Variants in HUNK observed in about 807,000 individuals in gnomAD.
HUNK encodes hormonally up-regulated neu tumor-associated kinase.
HUNK carries 21 observed loss-of-function variants against 61.0 expected under a neutral mutation model. The ratio of observed to expected loss-of-function variants is 0.34; its 90% CI spans 0.24 to 0.50. The LOEUF is 0.50. Ranked by LOEUF, HUNK falls within the 20% of genes least tolerant of loss-of-function variation. HUNK has a pLI of 0.98. For missense variants in HUNK, 772 were observed against 945.7 expected (o/e 0.82, Z 2.41); for synonymous variants, 371 against 386.1 (o/e 0.96, Z 0.46).
At chr21:31,896,006 T>C (rs1187233981) in intron 1 of HUNK, among the ~76,000 whole-genome samples, 6 of 152,124 alleles carry the variant, frequency 3.9e-5, no homozygotes, top group African/African-American at 1.4e-4. Flanking sequence ...ATGTAGCTGG[T>C]ATGCCTAGAA....
chr21:31,950,017 C>T (rs1363217152), intron 4 of HUNK, among the ~76,000 whole-genome samples: 1 of 152,200 alleles, frequency 6.6e-6, no homozygotes, highest in African/African-American at 2.4e-5. Context: ...ACACAGCCAG[C>T]GTGTGACAGA....
chr21:31,928,963 T>C (rs1486736082), intron 2 of HUNK, among the ~76,000 whole-genome samples: 1 of 152,146 alleles, frequency 6.6e-6, no homozygotes, highest in African/African-American at 2.4e-5. Flanking sequence ...TCTAAGTAAA[T>C]ACATTGGATG....
In HUNK at chr21:31,873,454, GT is replaced by G. The variant is rs2052229845; in HGVS notation, c.-220del. ...AAGAGGAAGAACTTTTGGGGGCGGG[GT>G]CCCCGGTCCCGCGTCCCCTGGGCAG... On this transcript the variant is annotated 5_prime_UTR_variant, in exon 1 of 11. Transcript: ENST00000270112. The surrounding 1 kb of genome is among the most constrained non-coding windows in gnomAD (Gnocchi z 6.1). The G allele has an allele frequency of 5.7e-6, 1 of 176,612 alleles. No homozygotes were observed. Among genetic ancestry groups the G allele is most frequent in the Non-Finnish European group, 1.1e-5 (1 of 90,696 alleles). The allele number at this position is 176,612 out of a possible 1,614,324, so 10.9% of individuals were successfully genotyped here.
rs1332166612 is a variant in HUNK at position 31,883,789 on chromosome 21, G to C, written c.261+9854G>C. Among the ~76,000 whole-genome samples, 6 of 152,298 alleles carry C rather than the reference G, an allele frequency of 3.9e-5. No individual in the cohort carries two copies. The South Asian group carries it at 1.2e-3, about 32-fold the overall frequency. On this transcript the variant is annotated intron_variant, in intron 1 of 10. Coordinates refer to ENST00000270112, the MANE Select transcript of HUNK (RefSeq NM_014586.2). ...CTAAAATATTAAGAGCCACTGCTTT[G>C]TTGCCCACCCTTGTTGGCTCTGCTG... is the stretch of plus-strand genomic sequence containing the variant.
chr21:31,880,845 C>T (rs2052301451), intron 1 of HUNK, among the ~76,000 whole-genome samples: 1 of 152,166 alleles, frequency 6.6e-6, no homozygotes, highest in Admixed American at 6.5e-5. Flanking sequence ...GAACTGACCT[C>T]TGCAAGGGAA....
intron 1 of HUNK, among the ~76,000 whole-genome samples, chr21:31,894,285 G>A (rs1222373553): frequency 6.6e-6 from 1 of 152,202 alleles, no homozygotes; most frequent in Non-Finnish European, 1.5e-5. Context: ...GAAAATAGCT[G>A]ATGACTTCTC....
In HUNK at chr21:31,873,963, G is replaced by A; in HGVS notation, c.261+28G>A. 6.9e-7 allele frequency: 1 copy of A among 1,452,082 alleles called. No individual in the cohort carries two copies. Among genetic ancestry groups the A allele is most frequent in the Non-Finnish European group, 9.1e-7 (1 of 1,099,582 alleles). The allele number at this position is 1,452,082 out of a possible 1,614,324, so 89.9% of individuals were successfully genotyped here. A position where few individuals can be genotyped will look rare whatever the true frequency, so the allele number is the denominator to read the frequency against. On this transcript the variant is annotated intron_variant, in intron 1 of 10. Transcript: ENST00000270112. This position sits in a 1 kb window ranked among gnomAD's most constrained non-coding sequence, Gnocchi z 6.1. ...GAGTCTCCCGGGCGCCGTGGGGCTGGGGCACAGGGGCGGGAGTCGGCGGCC... is the reference window on the plus strand; with the variant it reads ...GAGTCTCCCGGGCGCCGTGGGGCTGAGGCACAGGGGCGGGAGTCGGCGGCC...
At chr21:31,954,665 G>A (rs1307179122) in intron 4 of HUNK, among the ~76,000 whole-genome samples, 2 of 152,236 alleles carry the variant, frequency 1.3e-5, no homozygotes, top group Non-Finnish European at 2.9e-5. Context: ...TTCTTCCAGG[G>A]CTTTCCAATT....
At chr21:31,936,768 T>C (rs569169524) in intron 2 of HUNK, among the ~76,000 whole-genome samples, 4 of 152,336 alleles carry the variant, frequency 2.6e-5, no homozygotes, top group Admixed American at 6.5e-5. Flanking sequence ...TTTTGGTCTT[T>C]CGTTTATATC....
Position 31,999,346 on chromosome 21 carries a change from AG to A in HUNK, c.*165del. ...AAGCCTGCACAACCCAACCTCGCTT[AG>A]GGACCCCCAGAGATGCTGGAATCGC... On this transcript the variant is annotated 3_prime_UTR_variant, in exon 11 of 11. Transcript: ENST00000270112. 1 of 610,532 alleles carries A rather than the reference AG, an allele frequency of 1.6e-6. No individual in the cohort carries two copies. Among genetic ancestry groups the A allele is most frequent in the Non-Finnish European group, 2.8e-6 (1 of 358,650 alleles). 37.8% of individuals were successfully genotyped at this position (610,532 alleles called of 1,614,324 possible).
chr21:31,875,616 C>T (rs868329810), intron 1 of HUNK, among the ~76,000 whole-genome samples: 2 of 152,194 alleles, frequency 1.3e-5, no homozygotes, highest in African/African-American at 4.8e-5. Flanking sequence ...ACTGCGGGTC[C>T]GTTCAGGGCG....
At chr21:31,887,491 C>A (rs2052354951) in intron 1 of HUNK, among the ~76,000 whole-genome samples, 1 of 152,174 alleles carries the variant, frequency 6.6e-6, no homozygotes. Context: ...TTGATTCATT[C>A]TGGGCTCCCT....
At chr21:31,982,414 T>C (rs762138831) in intron 7 of HUNK, among the ~76,000 whole-genome samples, 9 of 152,218 alleles carry the variant, frequency 5.9e-5, no homozygotes, top group Non-Finnish European at 8.8e-5. Flanking sequence ...ATTGTCCCGG[T>C]TATTAATTTT....
chr21:31,895,963 C>T (rs901369419), intron 1 of HUNK, among the ~76,000 whole-genome samples: 21 of 152,218 alleles, frequency 1.4e-4, no homozygotes, highest in Middle Eastern at 3.4e-3. Context: ...GTAACTAAGG[C>T]GAAATGAGGT....
intron 1 of HUNK, among the ~76,000 whole-genome samples, chr21:31,904,869 A>G (rs983194337): frequency 2.0e-5 from 3 of 152,140 alleles, no homozygotes; most frequent in Non-Finnish European, 1.5e-5. Context: ...AGGTGAACGG[A>G]TCACCTGAGG....
At chr21:31,986,206 C>T (rs908802804) in intron 8 of HUNK, among the ~76,000 whole-genome samples, 5 of 152,142 alleles carry the variant, frequency 3.3e-5, no homozygotes, top group South Asian at 2.1e-4. Context: ...CTCCCCCCGC[C>T]GCCCTCCGCC....
intron 2 of HUNK, among the ~76,000 whole-genome samples, chr21:31,925,248 G>A (rs778017644): frequency 2.6e-5 from 4 of 152,208 alleles, no homozygotes; most frequent in Non-Finnish European, 5.9e-5. Flanking sequence ...ACAGTTATGT[G>A]ACCCTGGGCA....
At chr21:31,991,219 C>A (rs1333744704) in intron 9 of HUNK, among the ~76,000 whole-genome samples, 1 of 152,034 alleles carries the variant, frequency 6.6e-6, no homozygotes, top group African/African-American at 2.4e-5. Context: ...ATGAACAAAA[C>A]CCCACCTTTT....
At chr21:31,969,981 A>G (rs1466528380) in intron 6 of HUNK, among the ~76,000 whole-genome samples, 5 of 152,210 alleles carry the variant, frequency 3.3e-5, no homozygotes, top group Admixed American at 6.5e-5. Flanking sequence ...ACGTGGGTTC[A>G]GTACCTTCCA....
Sources: gnomAD v4.1 joint callset for allele counts (sites outside exome capture counted in the v4.1 genomes callset) on GRCh38, gnomAD v4.1.1 for gene constraint, Gnocchi (gnomAD v3.1) non-coding constraint, MANE v1.5 for transcripts, NCBI Gene and HGNC (gene_info 2026-07-23, HGNC 2026-07-21) for gene names.